NIM1K: variants seen among roughly 807,000 people sequenced by gnomAD.
NIM1K encodes NIM1 serine/threonine protein kinase, also known as serine/threonine-protein kinase NIM1.
NIM1K carries 35 observed loss-of-function variants against 37.1 expected under a neutral mutation model. The ratio of observed to expected loss-of-function variants is 0.94; its 90% CI spans 0.72 to 1.25. The LOEUF is 1.25. Ranked by LOEUF, NIM1K falls within the 50% of genes most tolerant of loss-of-function variation. The pLI is 0.00. For synonymous variants in NIM1K, 234 were observed against 206.6 expected, an observed-to-expected ratio of 1.13 and a Z score of -1.14; for missense variants, 564 against 548.0, an observed-to-expected ratio of 1.03 and a Z score of -0.29.
intron 1 of NIM1K, chr5:43,193,311 C>T (rs1206580218): frequency 6.6e-6 from 1 of 151,216 alleles, no homozygotes; most frequent in Non-Finnish European, 1.5e-5. Flanking sequence ...TCCCTCTTCT[C>T]CCTCCCTCCT....
At chr5:43,208,617 A>G (rs1752153912) in intron 1 of NIM1K, among the ~76,000 whole-genome samples, 1 of 152,178 alleles carries the variant, frequency 6.6e-6, no homozygotes, top group Admixed American at 6.5e-5. Context: ...AAAGAAAAAA[A>G]AAAGAAAAAA....
chr5:43,249,219 G>A (rs11748634), intron 2 of NIM1K, among the ~76,000 whole-genome samples: 86,548 of 151,578 alleles, frequency 0.57, 26,655 homozygotes, highest in Middle Eastern at 0.7. Context: ...ACAGGTGCCC[G>A]CCACCACGCC....
chr5:43,254,622 G>A (rs929454036), intron 2 of NIM1K, among the ~76,000 whole-genome samples: 5 of 152,212 alleles, frequency 3.3e-5, no homozygotes, highest in Non-Finnish European at 5.9e-5. Context: ...AGGGAGCAAT[G>A]CATAGCAGCA....
intron 1 of NIM1K, among the ~76,000 whole-genome samples, chr5:43,200,633 G>C (rs754943933): frequency 2.1e-4 from 32 of 152,114 alleles, no homozygotes; most frequent in Non-Finnish European, 1.0e-4. Flanking sequence ...GAACACAACC[G>C]TAAGATACAC....
chr5:43,198,917 G>T (rs773603793), intron 1 of NIM1K, among the ~76,000 whole-genome samples: 1 of 151,866 alleles, frequency 6.6e-6, no homozygotes, highest in Non-Finnish European at 1.5e-5. Context: ...GGCCAAGCAC[G>T]GTGGCTCACA....
intron 1 of NIM1K, among the ~76,000 whole-genome samples, chr5:43,204,180 G>A (rs1361971051): frequency 6.8e-6 from 1 of 146,600 alleles, no homozygotes; most frequent in Non-Finnish European, 1.5e-5. Flanking sequence ...CGCTTCCTGG[G>A]GGGTTCAAGA....
At chr5:43,217,284 T>G (rs1346358659) in intron 1 of NIM1K, among the ~76,000 whole-genome samples, 2 of 152,196 alleles carry the variant, frequency 1.3e-5, no homozygotes, top group African/African-American at 4.8e-5. Flanking sequence ...TCATTCATGT[T>G]GTAGCATGTA....
At chr5:43,232,534 C>T in intron 1 of NIM1K, 1 of 1,576,976 alleles carries the variant, frequency 6.3e-7, no homozygotes, top group South Asian at 1.1e-5. Flanking sequence ...GGTTCTATGC[C>T]AGATATCATA....
chr5:43,199,204 A>AAAAAAAAAATAT (rs1200134957), intron 1 of NIM1K, among the ~76,000 whole-genome samples: 39 of 94,048 alleles, frequency 4.1e-4, no homozygotes, highest in Non-Finnish European at 7.1e-4. Context: ...AAAAAAAAAA[A>AAAAAAAAAATAT]ATATATATAT....
intron 1 of NIM1K, among the ~76,000 whole-genome samples, chr5:43,244,186 A>C (rs989905763): frequency 2.6e-5 from 4 of 152,232 alleles, no homozygotes; most frequent in Non-Finnish European, 5.9e-5. Flanking sequence ...CATACTTCCA[A>C]GGCAGTCTCT....
chr5:43,223,324 A>T (rs1189638577), intron 1 of NIM1K, among the ~76,000 whole-genome samples: 1 of 152,152 alleles, frequency 6.6e-6, no homozygotes, highest in Non-Finnish European at 1.5e-5. Flanking sequence ...TGTAAACCTG[A>T]TATATTAGCA....
intron 2 of NIM1K, 28 bp downstream of exon 2, chr5:43,246,095 C>A (rs1175560153): frequency 6.3e-7 from 1 of 1,581,084 alleles, no homozygotes; most frequent in East Asian, 2.2e-5. Flanking sequence ...AAGGGTCATC[C>A]CTGGCAGTAT....
At chr5:43,201,655 A>G (rs887752870) in intron 1 of NIM1K, among the ~76,000 whole-genome samples, 1 of 151,972 alleles carries the variant, frequency 6.6e-6, no homozygotes, top group African/African-American at 2.4e-5. Flanking sequence ...AAAGTTTAAC[A>G]TGTGAGAAGA....
intron 2 of NIM1K, among the ~76,000 whole-genome samples, chr5:43,273,693 G>A (rs969259244): frequency 6.6e-6 from 1 of 152,114 alleles, no homozygotes; most frequent in African/African-American, 2.4e-5. Flanking sequence ...AGAACAGTGG[G>A]TTCCTCAAGC....
intron 2 of NIM1K, among the ~76,000 whole-genome samples, chr5:43,252,957 C>A (rs1752886234): frequency 6.7e-6 from 1 of 149,662 alleles, no homozygotes; most frequent in Non-Finnish European, 1.5e-5. Flanking sequence ...TCTATTAATT[C>A]ATTCTTTCCT....
intron 1 of NIM1K, among the ~76,000 whole-genome samples, chr5:43,226,899 G>C (rs1561079325): frequency 6.6e-6 from 1 of 152,208 alleles, no homozygotes; most frequent in Non-Finnish European, 1.5e-5. Context: ...AAAGTAGTCT[G>C]AAGTAGTCAA....
At chr5:43,206,733 G>A (rs1322668221) in intron 1 of NIM1K, 2 of 737,176 alleles carry the variant, frequency 2.7e-6, no homozygotes, top group African/African-American at 3.4e-5. Context: ...CAGCACACTT[G>A]ACTTCATGCT....
intron 2 of NIM1K, among the ~76,000 whole-genome samples, chr5:43,264,574 A>G (rs1039581264): frequency 2.0e-5 from 3 of 152,074 alleles, no homozygotes; most frequent in African/African-American, 4.8e-5. Context: ...ACTCTATCCA[A>G]TTTGCCAGTC....
At chr5:43,262,177 T>G (rs1202153085) in intron 2 of NIM1K, among the ~76,000 whole-genome samples, 1 of 152,216 alleles carries the variant, frequency 6.6e-6, no homozygotes, top group Non-Finnish European at 1.5e-5. Flanking sequence ...GGGATGGCAT[T>G]GAATCTATAA....
Sources: gnomAD v4.1 joint callset for allele counts (sites outside exome capture counted in the v4.1 genomes callset) on GRCh38, gnomAD v4.1.1 for gene constraint, MANE v1.5 for transcripts, NCBI Gene and HGNC (gene_info 2026-07-23, HGNC 2026-07-21) for gene names.